The following EEPD1 variants were observed in gnomAD, a reference collection of about 807,000 sequenced individuals.
EEPD1 encodes the protein endonuclease/exonuclease/phosphatase family domain-containing protein 1.
In EEPD1, 17 loss-of-function variants were observed where a neutral mutation model predicts 46.3. That is an observed-to-expected ratio of 0.37 (90% CI 0.25 to 0.55). The LOEUF (loss-of-function observed/expected upper bound fraction) is 0.55, where lower values mean the gene tolerates loss of function less well. EEPD1 is among the 20% of genes least tolerant of loss of function. The probability of loss-of-function intolerance (pLI) is 0.83; values close to 1 mark genes in which losing one functional copy is unlikely to be tolerated. For synonymous variants in EEPD1, 313 were observed against 315.6 expected, an observed-to-expected ratio of 0.99 and a Z score of 0.09; for missense variants, 673 against 745.6, an observed-to-expected ratio of 0.90 and a Z score of 1.13.
intron 5 of EEPD1, among the ~76,000 whole-genome samples, chr7:36,285,189 G>A (rs2115878828): frequency 6.6e-6 from 1 of 152,260 alleles, no homozygotes; most frequent in Admixed American, 6.5e-5. Flanking sequence ...TATCCGGATG[G>A]CCTACTTTCC....
chr7:36,227,675 T>C (rs1461945640), intron 2 of EEPD1, among the ~76,000 whole-genome samples: 3 of 152,148 alleles, frequency 2.0e-5, no homozygotes, highest in South Asian at 2.1e-4. Context: ...TCCCAGCACT[T>C]TGGGTTTTTT....
At chr7:36,248,964 T>A (rs1010271934) in intron 3 of EEPD1, among the ~76,000 whole-genome samples, 3 of 147,148 alleles carry the variant, frequency 2.0e-5, no homozygotes, top group Non-Finnish European at 4.5e-5. Context: ...GCATTTTAGT[T>A]AATTATGGGC....
chr7:36,188,235 G>A (rs1785397797), intron 2 of EEPD1, among the ~76,000 whole-genome samples: 1 of 151,848 alleles, frequency 6.6e-6, no homozygotes, highest in African/African-American at 2.4e-5. Flanking sequence ...CTTTCCATAA[G>A]CCTTATTAGT....
chr7:36,292,137 C>T (rs571934423), intron 6 of EEPD1, among the ~76,000 whole-genome samples: 36 of 152,314 alleles, frequency 2.4e-4, no homozygotes, highest in African/African-American at 6.0e-4. Context: ...AGGGGGCCCA[C>T]GCTACATGTG....
chr7:36,241,583 A>G (rs1413608008), intron 3 of EEPD1, among the ~76,000 whole-genome samples: 1 of 152,140 alleles, frequency 6.6e-6, no homozygotes, highest in Non-Finnish European at 1.5e-5. Context: ...AATAACAGTT[A>G]TGACTGGACA....
At position 36,225,591 on chromosome 7, in the gene EEPD1, A is replaced by C. The variant is rs1241866600; in HGVS notation, c.879-13394A>C. Among the ~76,000 whole-genome samples, 2 of 152,182 alleles carry C rather than the reference A, an allele frequency of 1.3e-5. No homozygotes were observed. The highest frequency in any genetic ancestry group is 2.9e-5 in the Non-Finnish European group (2 of 68,036). ...CATCCAAACAGAGAAAAAAGTAACA[A>C]AAATTAAGTCGACTTTAGACTTGTT... On this transcript the variant is annotated intron_variant, in intron 2 of 7. Coordinates refer to ENST00000242108, the MANE Select transcript of EEPD1 (RefSeq NM_030636.3). The surrounding 1 kb of genome is among the most constrained non-coding windows in gnomAD (Gnocchi z 4.2).
chr7:36,259,651 A>G (rs1166029428), intron 3 of EEPD1, among the ~76,000 whole-genome samples: 3 of 151,912 alleles, frequency 2.0e-5, no homozygotes, highest in Admixed American at 2.0e-4. Flanking sequence ...CTGGAATTAC[A>G]GGCACACACC....
At chr7:36,276,491 G>A (rs752430381) in intron 3 of EEPD1, among the ~76,000 whole-genome samples, 1 of 152,148 alleles carries the variant, frequency 6.6e-6, no homozygotes, top group Non-Finnish European at 1.5e-5. Context: ...GTGTGCCATA[G>A]TGTGACGGGC....
intron 4 of EEPD1, 29 bp from the exon 5 acceptor site, chr7:36,284,657 C>A (rs748343830): frequency 6.2e-7 from 1 of 1,603,996 alleles, no homozygotes. Context: ...GGCTCTGGCA[C>A]CAAGACTCTG....
intron 2 of EEPD1, among the ~76,000 whole-genome samples, chr7:36,212,890 C>T (rs578044294): frequency 8.5e-5 from 13 of 152,210 alleles, no homozygotes; most frequent in Admixed American, 5.9e-4. Context: ...AGGTGGCTCA[C>T]GCCTATAATC....
intron 6 of EEPD1, among the ~76,000 whole-genome samples, chr7:36,288,651 A>G (rs560918042): frequency 3.3e-5 from 5 of 151,958 alleles, no homozygotes; most frequent in African/African-American, 9.6e-5. Context: ...AGTCCCAGAT[A>G]TTCAGGAGGT....
intron 2 of EEPD1, among the ~76,000 whole-genome samples, chr7:36,178,426 TC>T (rs956865038): frequency 2.3e-4 from 35 of 152,212 alleles, no homozygotes; most frequent in African/African-American, 7.7e-4. Flanking sequence ...ACGGGGGCCC[TC>T]CCCCTACACC....
chr7:36,187,123 C>A (rs1264015471), intron 2 of EEPD1, among the ~76,000 whole-genome samples: 1 of 152,148 alleles, frequency 6.6e-6, no homozygotes, highest in Non-Finnish European at 1.5e-5. Context: ...TGCATTTTGC[C>A]CTTGTTACAA....
chr7:36,183,537 T>G (rs2700924), intron 2 of EEPD1, among the ~76,000 whole-genome samples: 19,587 of 152,186 alleles, frequency 0.13, 1,671 homozygotes, highest in Non-Finnish European at 0.19. Flanking sequence ...ATGGGAGAAC[T>G]GCTTTGTTCT....
intron 2 of EEPD1, among the ~76,000 whole-genome samples, chr7:36,166,190 C>T (rs1167369630): frequency 1.3e-5 from 2 of 152,182 alleles, no homozygotes; most frequent in African/African-American, 4.8e-5. Context: ...CTTTGCTGAA[C>T]TCAGTTTAAC....
chr7:36,154,776 G>A lies in EEPD1; in HGVS notation c.452G>A (p.Arg151Gln), dbSNP rs772524652. 2 of 1,614,004 alleles carry A rather than the reference G, an allele frequency of 1.2e-6. No homozygotes were observed. Among genetic ancestry groups the A allele is most frequent in the African/African-American group, 2.7e-5 (2 of 74,936 alleles). The change falls in exon 2 of 8, where the codon CGA becomes CAA. Residue 151 changes from arginine (R) to glutamine (Q), a missense_variant. Transcript: ENST00000242108. The surrounding 1 kb of genome is among the most constrained non-coding windows in gnomAD (Gnocchi z 4.2). ...ACCCCGGCCCAGCTCATGAGCGTGC[G>A]AGGCCTCTCGGAGAAAATGGCCCTC... ...TATPAQLMSVRGLSEKMALSI... is the reference protein window; with the variant it reads ...TATPAQLMSVQGLSEKMALSI...
intron 2 of EEPD1, among the ~76,000 whole-genome samples, chr7:36,160,682 G>GGA (rs1491231073): frequency 1.8e-4 from 25 of 140,028 alleles, no homozygotes; most frequent in African/African-American, 6.6e-4. Flanking sequence ...GTGGTGGGGG[G>GGA]CGGGGCGTGC....
chr7:36,209,826 T>C (rs987827395), intron 2 of EEPD1, among the ~76,000 whole-genome samples: 2 of 152,206 alleles, frequency 1.3e-5, no homozygotes, highest in African/African-American at 4.8e-5. Context: ...TTTCTGTATA[T>C]GGGATATAAG....
At chr7:36,155,528 G>A (rs1219339793) in intron 2 of EEPD1, among the ~76,000 whole-genome samples, 1 of 152,170 alleles carries the variant, frequency 6.6e-6, no homozygotes, top group Non-Finnish European at 1.5e-5. Context: ...CTCAGAGCAT[G>A]GGAACTGGTG....
Sources: allele counts gnomAD v4.1 joint callset (sites outside exome capture counted in the v4.1 genomes callset), GRCh38; gene constraint gnomAD v4.1.1; non-coding constraint Gnocchi (gnomAD v3.1); transcripts MANE v1.5; gene names NCBI Gene and HGNC (gene_info 2026-07-23, HGNC 2026-07-21).